SLC12A1: variants seen among roughly 807,000 people sequenced by gnomAD.
SLC12A1 encodes the protein solute carrier family 12 member 1.
A neutral mutation model predicts 130.4 loss-of-function variants in SLC12A1; 89 were observed. The observed-to-expected ratio is 0.68, with a 90% CI of 0.58 to 0.81. The LOEUF (loss-of-function observed/expected upper bound fraction) is 0.81. SLC12A1 is among the 40% of genes least tolerant of loss of function. The pLI, the probability that SLC12A1 is intolerant of heterozygous loss-of-function variation, is 0.00. For missense variants in SLC12A1, 1,310 were observed against 1,336.4 expected (o/e 0.98, Z 0.31); for synonymous variants, 499 against 460.0 (o/e 1.08, Z -1.09).
intron 20 of SLC12A1, among the ~76,000 whole-genome samples, chr15:48,281,409 T>C (rs548097158): frequency 6.6e-6 from 1 of 152,306 alleles, no homozygotes; most frequent in East Asian, 1.9e-4. Context: ...GTTAGTGGAA[T>C]AAAGGTTTAA....
At chr15:48,284,982 A>T in intron 20 of SLC12A1, 124 bp from the exon 21 acceptor site, 1 of 657,806 alleles carries the variant, frequency 1.5e-6, no homozygotes, top group Non-Finnish European at 2.3e-6. Flanking sequence ...TTTAGAAAAA[A>T]TTACTATGTA....
At chr15:48,274,750 A>C in intron 20 of SLC12A1, 97 bp downstream of exon 20, 1 of 722,978 alleles carries the variant, frequency 1.4e-6, no homozygotes, top group Non-Finnish European at 2.3e-6. Context: ...TATAGACAAA[A>C]CTCCTTGACA....
In SLC12A1 at chr15:48,235,001, G is replaced by A; in HGVS notation, c.1212G>A (p.Leu404=). The part of the protein sequence containing the change: ...ILAGANISGD[L]EDPQDAIPRG... ...CTGGTGCCAATATCTCAGGAGATTTGGAGGTACGTTGTTTGCTCTGCTTTG... is the reference window on the plus strand; with the variant it reads ...CTGGTGCCAATATCTCAGGAGATTTAGAGGTACGTTGTTTGCTCTGCTTTG... Residue 404 remains leucine (L), a synonymous_variant, in exon 9 of 27, where the codon TTG becomes TTA. Transcript: ENST00000380993. 1 of 1,613,704 alleles carries A rather than the reference G, an allele frequency of 6.2e-7. No homozygotes were observed. Among genetic ancestry groups the A allele is most frequent in the Non-Finnish European group, 8.5e-7 (1 of 1,179,832 alleles).
chr15:48,246,591 G>A (rs894805788), intron 11 of SLC12A1, among the ~76,000 whole-genome samples: 1 of 152,112 alleles, frequency 6.6e-6, no homozygotes, highest in African/African-American at 2.4e-5. Flanking sequence ...GACCAGCCTG[G>A]CCAACATGGT....
chr15:48,256,353 A>G (rs1420697882), intron 16 of SLC12A1, among the ~76,000 whole-genome samples: 1 of 152,270 alleles, frequency 6.6e-6, no homozygotes, highest in African/African-American at 2.4e-5. Flanking sequence ...ATGAAGAATG[A>G]AAGAAAGTAA....
At position 48,232,264 on chromosome 15, in the gene SLC12A1, C is replaced by G. The variant is rs138000960; in HGVS notation, c.976-463C>G. Among the ~76,000 whole-genome samples, 10 of 152,332 alleles carry G rather than the reference C, an allele frequency of 6.6e-5. No homozygotes were observed. The East Asian group carries it at 1.9e-3, about 29-fold the overall frequency. On this transcript the variant is annotated intron_variant, in intron 7 of 26. Coordinates refer to ENST00000380993, the MANE Select transcript of SLC12A1 (RefSeq NM_000338.3). ...GCTTGTGCTGAGCACACAGCGGCAGCCTGACGTCAAGTGCACTGGGAATCA... is the reference window on the plus strand; with the variant it reads ...GCTTGTGCTGAGCACACAGCGGCAGGCTGACGTCAAGTGCACTGGGAATCA...
intron 1 of SLC12A1, among the ~76,000 whole-genome samples, chr15:48,207,041 A>T (rs565020847): frequency 2.7e-4 from 41 of 152,332 alleles, no homozygotes; most frequent in African/African-American, 8.7e-4. Context: ...TTTGGAATTT[A>T]TAAGTTGAAC....
At chr15:48,294,557 T>A (rs1763548696) in intron 24 of SLC12A1, among the ~76,000 whole-genome samples, 1 of 152,222 alleles carries the variant, frequency 6.6e-6, no homozygotes, top group Non-Finnish European at 1.5e-5. Context: ...ATTAACATTC[T>A]GATATGAACT....
intron 20 of SLC12A1, among the ~76,000 whole-genome samples, chr15:48,279,527 T>A (rs2041989470): frequency 6.6e-6 from 1 of 152,194 alleles, no homozygotes; most frequent in South Asian, 2.1e-4. Flanking sequence ...ATAAGATCGA[T>A]GCTCATAACA....
chr15:48,210,442 T>G (rs2041038660), intron 2 of SLC12A1, among the ~76,000 whole-genome samples: 1 of 152,168 alleles, frequency 6.6e-6, no homozygotes, highest in Non-Finnish European at 1.5e-5. Flanking sequence ...TAAATTCACA[T>G]TGTTCTTAGG....
At position 48,244,740 on chromosome 15, in the gene SLC12A1, G is replaced by T. The variant is rs2041557968; in HGVS notation, c.1301-13G>T. The T allele has an allele frequency of 6.2e-7, 1 of 1,613,740 alleles. No individual in the cohort carries two copies. The highest frequency in any genetic ancestry group is 8.5e-7 in the Non-Finnish European group (1 of 1,179,766). ...CTTTATAAAGAAATAACAAGCCACGGTTGTTTCCACAGGGGCCTGTGTGGT... is the reference window on the plus strand; with the variant it reads ...CTTTATAAAGAAATAACAAGCCACGTTTGTTTCCACAGGGGCCTGTGTGGT... On this transcript the variant is annotated splice_polypyrimidine_tract_variant and intron_variant, in intron 10 of 26. Transcript: ENST00000380993.
chr15:48,234,922 A>G lies in SLC12A1; in HGVS notation c.1133A>G (p.Glu378Gly). Residue 378 changes from glutamate to glycine, a missense_variant, in exon 9 of 27, where the codon GAA becomes GGA. By Grantham distance (98) the Glu-to-Gly change is moderately conservative. Coordinates refer to ENST00000380993, the MANE Select transcript of SLC12A1 (RefSeq NM_000338.3). ...ENFGPRFTKG[E>G]GFFSVFAIFF... ...TTTGGGCCACGCTTCACAAAGGGTGAAGGCTTCTTCTCTGTCTTTGCCATT... is the reference window on the plus strand; with the variant it reads ...TTTGGGCCACGCTTCACAAAGGGTGGAGGCTTCTTCTCTGTCTTTGCCATT... 1 of 1,613,892 alleles carries G rather than the reference A, an allele frequency of 6.2e-7. No individual in the cohort carries two copies. The highest frequency in any genetic ancestry group is 1.3e-5 in the African/African-American group (1 of 75,054).
intron 12 of SLC12A1, 52 bp from the exon 13 acceptor site, chr15:48,247,285 A>C: frequency 6.4e-7 from 1 of 1,565,020 alleles, no homozygotes; most frequent in Admixed American, 2.0e-5. Flanking sequence ...ACCTAGAGAA[A>C]ATGACTGTGC....
At chr15:48,302,344 G>A (rs2042241660) in intron 26 of SLC12A1, among the ~76,000 whole-genome samples, 1 of 151,982 alleles carries the variant, frequency 6.6e-6, no homozygotes, top group Admixed American at 6.6e-5. Context: ...CTGCCGGCCG[G>A]GCGCGGTGGC....
intron 9 of SLC12A1, 115 bp downstream of exon 9, chr15:48,235,119 T>C: frequency 9.2e-7 from 1 of 1,089,932 alleles, no homozygotes; most frequent in Non-Finnish European, 1.4e-6. Context: ...AAACTGTAGG[T>C]TTCTGCAAGA....
At chr15:48,290,126 C>A (rs565794124) in intron 23 of SLC12A1, among the ~76,000 whole-genome samples, 1 of 152,078 alleles carries the variant, frequency 6.6e-6, no homozygotes, top group East Asian at 1.9e-4. Flanking sequence ...ACTTTTTAAA[C>A]TGTTTTCTTT....
intron 9 of SLC12A1, among the ~76,000 whole-genome samples, chr15:48,239,924 T>G (rs144702971): frequency 1.3e-3 from 201 of 151,432 alleles, no homozygotes; most frequent in African/African-American, 4.6e-3. Flanking sequence ...GTGCTGGGAT[T>G]ACAGGCGTGA....
rs539865839 is a variant in SLC12A1, at chr15:48,249,577, G to T, written c.1687G>T (p.Glu563Ter). Residue 563 changes from glutamate to a stop codon, truncating the protein, a stop_gained and splice_region_variant, in exon 14 of 27, where the codon GAA (glutamate) becomes TAA (stop). Transcript: ENST00000380993. LOFTEE classifies it high-confidence loss of function. ...GTTCAATTCTGTTACTTTTACAGCG[G>T]AACTGAACACCATTGCTCCCATCAT... ...LIAMAFILIA[E>*]LNTIAPIISN... The T allele has an allele frequency of 1.9e-6, 3 of 1,612,792 alleles. No individual in the cohort carries two copies. Among genetic ancestry groups the T allele is most frequent in the African/African-American group, 2.7e-5 (2 of 75,018 alleles).
intron 9 of SLC12A1, among the ~76,000 whole-genome samples, chr15:48,239,821 T>C (rs1480200724): frequency 6.6e-6 from 1 of 151,420 alleles, no homozygotes; most frequent in African/African-American, 2.4e-5. Context: ...CAGCTGATTT[T>C]TGTATTTTTA....
Sources: gnomAD v4.1 joint callset for allele counts (sites outside exome capture counted in the v4.1 genomes callset) on GRCh38, gnomAD v4.1.1 for gene constraint, MANE v1.5 for transcripts, NCBI Gene and HGNC (gene_info 2026-07-23, HGNC 2026-07-21) for gene names.